Variants in SAPCD2 observed in about 807,000 individuals in gnomAD.
SAPCD2 encodes suppressor APC domain containing 2.
In SAPCD2, 34 loss-of-function variants were observed where a neutral mutation model predicts 37.8. The ratio of observed to expected loss-of-function variants is 0.90; its 90% CI spans 0.68 to 1.20. The LOEUF is 1.20. SAPCD2 is among the 50% of genes most tolerant of loss of function. SAPCD2 has a pLI of 0.00. For missense variants in SAPCD2, 572 were observed against 584.7 expected, an observed-to-expected ratio of 0.98 and a Z score of 0.22; for synonymous variants, 275 against 270.3, an observed-to-expected ratio of 1.02 and a Z score of -0.17.
intron 3 of SAPCD2, 79 bp from the exon 4 acceptor site, chr9:137,065,264 C>T (rs1832526964): frequency 1.1e-5 from 12 of 1,091,982 alleles, no homozygotes; most frequent in Non-Finnish European, 1.5e-5. Flanking sequence ...GGGGTTCCCA[C>T]AGGTGGCTCT....
chr9:137,067,825 G>A (rs2131530916), intron 1 of SAPCD2, among the ~76,000 whole-genome samples: 1 of 146,780 alleles, frequency 6.8e-6, no homozygotes, highest in South Asian at 2.1e-4. Context: ...TGATACGCCA[G>A]GCGGTGCACC....
intron 2 of SAPCD2, 78 bp downstream of exon 2, chr9:137,066,184 A>T: frequency 8.7e-7 from 1 of 1,148,342 alleles, no homozygotes; most frequent in Admixed American, 2.0e-5. Context: ...CCCCAGGCTC[A>T]AGGCCCCCCT....
In SAPCD2 at chr9:137,066,285, C is replaced by A; in HGVS notation, c.661G>T (p.Ala221Ser). 2 of 1,607,502 alleles carry A rather than the reference C, an allele frequency of 1.2e-6. No homozygotes were observed. The highest frequency in any genetic ancestry group is 1.7e-6 in the Non-Finnish European group (2 of 1,178,398). ...ARGERRRHTI[A>S]SGVDCGLLKQ... ...ACCAGGCCGCAGTCCACGCCGCTGGCGATGGTGTGCCTCCGACGTTCCCCT... is the reference window on the plus strand; with the variant it reads ...ACCAGGCCGCAGTCCACGCCGCTGGAGATGGTGTGCCTCCGACGTTCCCCT... The change falls in exon 2 of 6, where the codon GCC becomes TCC. Residue 221 changes from alanine to serine, a missense_variant. Ala to Ser is a moderately conservative substitution (Grantham distance 99). Transcript: ENST00000409687.
chr9:137,066,127 G>A (rs1832542430), intron 2 of SAPCD2, 135 bp downstream of exon 2: 2 of 744,358 alleles, frequency 2.7e-6, no homozygotes, highest in South Asian at 1.7e-5. Flanking sequence ...TCAAGCCCAG[G>A]TAGGGAGAGA....
chr9:137,065,943 G>C (rs987796901), intron 2 of SAPCD2, among the ~76,000 whole-genome samples: 1 of 152,172 alleles, frequency 6.6e-6, no homozygotes, highest in African/African-American at 2.4e-5. Flanking sequence ...GAGGGGTGAC[G>C]GACCCTTCAG....
At chr9:137,065,734 G>A (rs1832536460) in intron 2 of SAPCD2, 66 bp from the exon 3 acceptor site, 4 of 1,526,528 alleles carry the variant, frequency 2.6e-6, no homozygotes, top group African/African-American at 1.4e-5. Context: ...ACACATGCAT[G>A]AGCTCACCTG....
Position 137,064,882 on chromosome 9 carries a change from T to C in SAPCD2, c.1037A>G (p.Gln346Arg). 1 of 1,563,606 alleles carries C rather than the reference T, an allele frequency of 6.4e-7. No homozygotes were observed. Among genetic ancestry groups the C allele is most frequent in the Non-Finnish European group, 8.7e-7 (1 of 1,154,204 alleles). ...CCCTACCTGGGTGAGGAGTCGGTTC[T>C]GCTCCTTCAGCATGAGGATGGTCTG... ...QQQTILMLKE[Q>R]NRLLTQEVTE... Residue 346 changes from glutamine (Q) to arginine (R), a missense_variant, in exon 5 of 6, where the codon CAG becomes CGG. Physicochemically the swap from Gln to Arg is conservative, Grantham distance 43. Transcript: ENST00000409687.
intron 1 of SAPCD2, among the ~76,000 whole-genome samples, chr9:137,067,162 ATT>A (rs1564261432): frequency 1.3e-5 from 2 of 151,434 alleles, no homozygotes; most frequent in Admixed American, 6.6e-5. Flanking sequence ...TACTTTTTGT[ATT>A]TTTTAGTAGA....
In SAPCD2 at chr9:137,065,521, C is replaced by T. The variant is rs765827159; in HGVS notation, c.831+1G>A. The stretch of plus-strand genomic sequence containing the variant: ...TCTGGGGACAGGGCTGTGGCACTCA[C>T]GGCGCTGGCTCTGCTCTGGCCCAGG... On this transcript the variant is annotated splice_donor_variant, in intron 3 of 5. Coordinates refer to ENST00000409687, the MANE Select transcript of SAPCD2 (RefSeq NM_178448.4). LOFTEE classifies it high-confidence loss of function. 5.0e-6 allele frequency: 8 copies of T among 1,595,354 alleles called. No homozygotes were observed. The highest frequency in any genetic ancestry group is 4.5e-5 in the East Asian group (2 of 44,330).
chr9:137,064,904 TCTG>T lies in SAPCD2; in HGVS notation c.1012_1014del (p.Gln338del). ...TTCTGCTCCTTCAGCATGAGGATGGTCTGCTGCTGCCAGACCGGGGGTGAGGTG... is the reference window on the plus strand; with the variant it reads ...TTCTGCTCCTTCAGCATGAGGATGGTCTGCTGCCAGACCGGGGGTGAGGTG... On this transcript the variant is annotated inframe_deletion, in exon 5 of 6. Coordinates refer to ENST00000409687, the MANE Select transcript of SAPCD2 (RefSeq NM_178448.4). 1 of 1,560,590 alleles carries T rather than the reference TCTG, an allele frequency of 6.4e-7. No homozygotes were observed. The highest frequency in any genetic ancestry group is 8.7e-7 in the Non-Finnish European group (1 of 1,152,674).
chr9:137,064,997 T>A lies in SAPCD2; in HGVS notation c.940-18A>T. ...GGCAGGGCCTGCGGGAGGGCAGGAT[T>A]AGGCAGGCCTGGACGAGGGCGGGGA... On this transcript the variant is annotated intron_variant, in intron 4 of 5. Coordinates refer to ENST00000409687, the MANE Select transcript of SAPCD2 (RefSeq NM_178448.4). 2 of 1,496,786 alleles carry A rather than the reference T, an allele frequency of 1.3e-6. No homozygotes were observed. The highest frequency in any genetic ancestry group is 1.8e-6 in the Non-Finnish European group (2 of 1,104,104). The allele number at this position is 1,496,786 out of a possible 1,614,324, so 92.7% of individuals were successfully genotyped here.
At chr9:137,066,198 C>T in intron 2 of SAPCD2, 64 bp downstream of exon 2, 1 of 1,313,304 alleles carries the variant, frequency 7.6e-7, no homozygotes. Flanking sequence ...CCCCCCTGCT[C>T]CCATCCCGGC....
chr9:137,066,208 C>G (rs978090516), intron 2 of SAPCD2, 54 bp downstream of exon 2: 2 of 1,418,042 alleles, frequency 1.4e-6, no homozygotes. Flanking sequence ...CCCATCCCGG[C>G]CTCCAGCCTC....
At chr9:137,069,197 G>A (rs971957369) in intron 1 of SAPCD2, among the ~76,000 whole-genome samples, 1 of 152,246 alleles carries the variant, frequency 6.6e-6, no homozygotes, top group African/African-American at 2.4e-5. Context: ...GGAGACAGGG[G>A]ACCATTCAGC....
chr9:137,064,982 G>T lies in SAPCD2; in HGVS notation c.940-3C>A. The T allele has an allele frequency of 6.6e-7, 1 of 1,510,648 alleles. No individual in the cohort carries two copies. Among genetic ancestry groups the T allele is most frequent in the Non-Finnish European group, 9.0e-7 (1 of 1,114,966 alleles). 93.6% of individuals were successfully genotyped at this position (1,510,648 alleles called of 1,614,324 possible). On this transcript the variant is annotated splice_polypyrimidine_tract_variant and splice_region_variant and intron_variant, in intron 4 of 5. Transcript: ENST00000409687. ...CCGGAGGAGGACGGGGGCAGGGCCT[G>T]CGGGAGGGCAGGATTAGGCAGGCCT...
chr9:137,066,435 G>C, intron 1 of SAPCD2, 61 bp from the exon 2 acceptor site: 2 of 1,339,482 alleles, frequency 1.5e-6, no homozygotes, highest in South Asian at 2.8e-5. Context: ...GCTCTGCTGA[G>C]GTGCAGCGGC....
chr9:137,067,082 G>A (rs549591966), intron 1 of SAPCD2, among the ~76,000 whole-genome samples: 2 of 152,246 alleles, frequency 1.3e-5, no homozygotes, highest in South Asian at 4.1e-4. Context: ...CCGCCTCCCA[G>A]GTTCAAGTGA....
Position 137,070,417 on chromosome 9 carries a change from G to C in SAPCD2, c.44C>G (p.Pro15Arg), listed in dbSNP as rs757951426. 9.2e-6 allele frequency: 12 copies of C among 1,301,248 alleles called. No homozygotes were observed. The Admixed American group carries it at 2.6e-4, about 28-fold the overall frequency. The allele number at this position is 1,301,248 out of a possible 1,614,324, so 80.6% of individuals were successfully genotyped here. A position where few individuals can be genotyped will look rare whatever the true frequency, so the allele number is the denominator to read the frequency against. ...CCCCTCCGTGCTGGGCGCGGGTGCG[G>C]GGGGAGGCACGCGGCCCCGCTCGGC... ...AMAERGRVPP[P>R]APAPSTEGLP... The change falls in exon 1 of 6, where the codon CCC becomes CGC. Residue 15 changes from proline to arginine, a missense_variant. Transcript: ENST00000409687.
In SAPCD2 at chr9:137,065,864, C is replaced by G. The variant is rs533606864; in HGVS notation, c.685-196G>C. On this transcript the variant is annotated intron_variant, in intron 2 of 5. Transcript: ENST00000409687. ...GTGAGCCCCATAGGCCCATTTGGAGCAGGAGCCCCGTTCCTCCTGCTGAGG... is the reference window on the plus strand; with the variant it reads ...GTGAGCCCCATAGGCCCATTTGGAGGAGGAGCCCCGTTCCTCCTGCTGAGG... Among the ~76,000 whole-genome samples, 5 of 152,324 alleles carry G rather than the reference C, an allele frequency of 3.3e-5. No individual in the cohort carries two copies. In the South Asian group the frequency reaches 8.3e-4, roughly 25 times the overall value.
Sources: allele counts gnomAD v4.1 joint callset (sites outside exome capture counted in the v4.1 genomes callset), GRCh38; gene constraint gnomAD v4.1.1; transcripts MANE v1.5; gene names NCBI Gene and HGNC (gene_info 2026-07-23, HGNC 2026-07-21).